Variants in ITPR1 observed in about 807,000 individuals in gnomAD.
ITPR1 encodes inositol 1,4,5-trisphosphate-gated calcium channel ITPR1.
ITPR1 carries 96 observed loss-of-function variants against 318.4 expected under a neutral mutation model. The ratio of observed to expected loss-of-function variants is 0.30; its 90% CI spans 0.26 to 0.36. ITPR1 has a LOEUF of 0.36. ITPR1 is among the 10% of genes least tolerant of loss of function. ITPR1 has a pLI of 1.00. For missense variants in ITPR1, 2,440 were observed against 3,460.2 expected (o/e 0.71, Z 7.40); for synonymous variants, 1,312 against 1,289.9 (o/e 1.02, Z -0.37).
At chr3:4,729,730 A>C (rs1373783894) in intron 42 of ITPR1, among the ~76,000 whole-genome samples, 2 of 152,196 alleles carry the variant, frequency 1.3e-5, no homozygotes, top group Admixed American at 6.5e-5. Flanking sequence ...CATTGTTTTA[A>C]TGTGACACTT....
intron 4 of ITPR1, among the ~76,000 whole-genome samples, chr3:4,614,868 T>C (rs955710079): frequency 3.9e-5 from 6 of 152,196 alleles, no homozygotes; most frequent in East Asian, 1.9e-4. Flanking sequence ...TTCAGCGTTT[T>C]CTTGGGTGAT....
At chr3:4,821,476 T>C (rs1220395148) in intron 60 of ITPR1, among the ~76,000 whole-genome samples, 2 of 152,216 alleles carry the variant, frequency 1.3e-5, no homozygotes, top group Non-Finnish European at 2.9e-5. Flanking sequence ...AAATGGGTTT[T>C]CATCTCACCC....
chr3:4,756,205 G>C (rs996911239), intron 44 of ITPR1, among the ~76,000 whole-genome samples: 3 of 152,208 alleles, frequency 2.0e-5, no homozygotes, highest in Non-Finnish European at 4.4e-5. Flanking sequence ...AGGAGGGTCT[G>C]ACACAAGCTT....
chr3:4,792,399 G>A (rs900033001), intron 52 of ITPR1, among the ~76,000 whole-genome samples: 14 of 152,214 alleles, frequency 9.2e-5, no homozygotes, highest in African/African-American at 3.4e-4. Flanking sequence ...GCCCCAACAT[G>A]TCGTGACTTA....
intron 4 of ITPR1, among the ~76,000 whole-genome samples, chr3:4,585,761 G>A (rs529071984): frequency 1.3e-5 from 2 of 150,994 alleles, no homozygotes; most frequent in Admixed American, 6.6e-5. Flanking sequence ...TTTTTTAACT[G>A]TGTAATTCTT....
intron 61 of ITPR1, among the ~76,000 whole-genome samples, chr3:4,839,542 C>T (rs943234539): frequency 2.0e-5 from 3 of 152,032 alleles, no homozygotes; most frequent in Non-Finnish European, 4.4e-5. Flanking sequence ...TCATGGTTGA[C>T]TGTTTAAGTT....
In ITPR1 at chr3:4,681,438, CT is replaced by C; in HGVS notation, c.3161+21del. On this transcript the variant is annotated intron_variant, in intron 26 of 61. Coordinates refer to ENST00000649015, the MANE Select transcript of ITPR1 (RefSeq NM_001378452.1). ...AGGAAGGAAAGTATATTTTCAGTTA[CT>C]GTTTTGTAGGGAAGGCTGCTCTTCC... The C allele has an allele frequency of 6.3e-7, 1 of 1,576,656 alleles. No individual in the cohort carries two copies. Among genetic ancestry groups the C allele is most frequent in the Non-Finnish European group, 8.7e-7 (1 of 1,146,248 alleles).
intron 2 of ITPR1, among the ~76,000 whole-genome samples, chr3:4,503,806 G>A (rs1269071539): frequency 6.6e-6 from 1 of 152,128 alleles, no homozygotes; most frequent in Admixed American, 6.6e-5. Context: ...CTCTCTCTGA[G>A]GATATTGACC....
At chr3:4,533,600 A>T (rs56658502) in intron 4 of ITPR1, among the ~76,000 whole-genome samples, 6,776 of 152,316 alleles carry the variant, frequency 0.044, 336 homozygotes, top group East Asian at 0.12. Flanking sequence ...GGAAGCTCAA[A>T]CATGGCCTTT....
chr3:4,532,773 G>A (rs909767781), intron 4 of ITPR1, among the ~76,000 whole-genome samples: 4 of 152,210 alleles, frequency 2.6e-5, no homozygotes, highest in Admixed American at 2.6e-4. Context: ...GAAGACAGAT[G>A]TTCTGAGCCC....
intron 4 of ITPR1, among the ~76,000 whole-genome samples, chr3:4,551,132 A>G (rs768538739): frequency 1.4e-4 from 22 of 152,166 alleles, no homozygotes; most frequent in Non-Finnish European, 2.9e-4. Context: ...GGCATCTCAT[A>G]GTGGAGGTTT....
At chr3:4,531,941 C>G (rs2083446671) in intron 4 of ITPR1, among the ~76,000 whole-genome samples, 1 of 152,204 alleles carries the variant, frequency 6.6e-6, no homozygotes, top group Admixed American at 6.5e-5. Context: ...ATTACTTAAC[C>G]TGGCAATGCC....
intron 4 of ITPR1, among the ~76,000 whole-genome samples, chr3:4,566,818 C>T (rs2087335388): frequency 6.6e-6 from 1 of 152,202 alleles, no homozygotes; most frequent in Non-Finnish European, 1.5e-5. Flanking sequence ...CAAGAGTAGT[C>T]AGGACCAGTT....
intron 60 of ITPR1, among the ~76,000 whole-genome samples, chr3:4,834,542 C>T (rs924578196): frequency 5.3e-5 from 8 of 152,172 alleles, no homozygotes; most frequent in Non-Finnish European, 7.4e-5. Flanking sequence ...TCCCCTCGCC[C>T]TAGTGGGAGT....
intron 34 of ITPR1, among the ~76,000 whole-genome samples, chr3:4,697,500 G>A (rs2094579724): frequency 7.8e-6 from 1 of 127,656 alleles, no homozygotes; most frequent in Admixed American, 9.3e-5. Context: ...TACCTAGGCT[G>A]GAGTGCAGTG....
At chr3:4,503,614 GC>G (rs1177894953) in intron 2 of ITPR1, among the ~76,000 whole-genome samples, 3 of 152,050 alleles carry the variant, frequency 2.0e-5, no homozygotes, top group African/African-American at 7.3e-5. Flanking sequence ...TATCTGGCAG[GC>G]AGGGGTGGGG....
At chr3:4,621,081 C>T (rs2092611934) in intron 4 of ITPR1, among the ~76,000 whole-genome samples, 1 of 152,130 alleles carries the variant, frequency 6.6e-6, no homozygotes, top group Non-Finnish European at 1.5e-5. Context: ...GTCCATTCCT[C>T]TCCCCACAAT....
chr3:4,600,024 C>A (rs780852025), intron 4 of ITPR1, among the ~76,000 whole-genome samples: 3 of 152,194 alleles, frequency 2.0e-5, no homozygotes, highest in Non-Finnish European at 4.4e-5. Flanking sequence ...TGTGCTTTAT[C>A]GCTGTTATTT....
chr3:4,760,234 T>G (rs1051264478), intron 44 of ITPR1, among the ~76,000 whole-genome samples: 2 of 152,218 alleles, frequency 1.3e-5, no homozygotes, highest in Non-Finnish European at 2.9e-5. Flanking sequence ...AAGACTCTGG[T>G]GAGACAGCTT....
Sources: gnomAD v4.1 joint callset for allele counts (sites outside exome capture counted in the v4.1 genomes callset) on GRCh38, gnomAD v4.1.1 for gene constraint, MANE v1.5 for transcripts, NCBI Gene and HGNC (gene_info 2026-07-23, HGNC 2026-07-21) for gene names.